The following ATF6 variants were observed in gnomAD, a reference collection of about 807,000 sequenced individuals.
ATF6 encodes the protein cyclic AMP-dependent transcription factor ATF-6 alpha.
ATF6 carries 53 observed loss-of-function variants against 83.6 expected under a neutral mutation model. That is an observed-to-expected ratio of 0.63 (90% CI 0.51 to 0.80). The LOEUF (loss-of-function observed/expected upper bound fraction) is 0.80, where lower values mean the gene tolerates loss of function less well. ATF6 is among the 30% of genes least tolerant of loss of function. The probability of loss-of-function intolerance (pLI) is 0.00; values close to 1 mark genes in which losing one functional copy is unlikely to be tolerated. For missense variants in ATF6, 744 were observed against 797.9 expected (o/e 0.93, Z 0.81); for synonymous variants, 288 against 285.8 (o/e 1.01, Z -0.08).
At chr1:161,808,577 T>C (rs572219426) in intron 7 of ATF6, among the ~76,000 whole-genome samples, 1 of 152,234 alleles carries the variant, frequency 6.6e-6, no homozygotes, top group Non-Finnish European at 1.5e-5. Flanking sequence ...TTTATTTATT[T>C]ATTTATTTTT....
At position 161,819,814 on chromosome 1, in the gene ATF6, CAGAGGTAAGTGTT is replaced by C; in HGVS notation, c.1094_1095+11del. ...AAGCGGCAGCTGGATGAAGTTGTGT[CAGAGGTAAGTGTT>C]AGTAATACGGCTGAGTCGAGATGGG... On this transcript the variant is annotated splice_donor_variant and splice_donor_5th_base_variant and coding_sequence_variant and intron_variant, in exon 8 of 16. Transcript: ENST00000367942. LOFTEE classifies it high-confidence loss of function. The C allele has an allele frequency of 6.2e-7, 1 of 1,607,866 alleles. No homozygotes were observed. Among genetic ancestry groups the C allele is most frequent in the East Asian group, 2.3e-5 (1 of 44,386 alleles).
chr1:161,884,172 G>A (rs996239880), intron 14 of ATF6, among the ~76,000 whole-genome samples: 1 of 151,968 alleles, frequency 6.6e-6, no homozygotes, highest in South Asian at 2.1e-4. Flanking sequence ...AAAAAGTCCA[G>A]ATTAAATTGT....
At chr1:161,861,626 C>G (rs1382044634) in intron 13 of ATF6, among the ~76,000 whole-genome samples, 3 of 152,034 alleles carry the variant, frequency 2.0e-5, no homozygotes, top group Admixed American at 2.0e-4. Context: ...TTTGTGGATT[C>G]CATATTTGCT....
chr1:161,881,815 G>A (rs1687331361), intron 14 of ATF6, among the ~76,000 whole-genome samples: 1 of 151,998 alleles, frequency 6.6e-6, no homozygotes, highest in South Asian at 2.1e-4. Flanking sequence ...TTATTTTATG[G>A]ACTGTGTTTT....
Position 161,930,904 on chromosome 1 carries a change from T to C in ATF6, c.1804+18524T>C, listed in dbSNP as rs542527301. Among the ~76,000 whole-genome samples the C allele has an allele frequency of 7.0e-3, 1,066 of 152,112 alleles. 5 individuals carry two copies. The highest frequency in any genetic ancestry group is 0.011 in the Non-Finnish European group (778 of 67,962). Reference sequence around the variant, plus strand: ...AGGTTCGTAGAATTTTTTTTTTTTTTCCCCTGGGGACATAGTTTCACTCTG... The same window carrying C: ...AGGTTCGTAGAATTTTTTTTTTTTTCCCCCTGGGGACATAGTTTCACTCTG... On this transcript the variant is annotated intron_variant, in intron 15 of 15. Transcript: ENST00000367942.
At chr1:161,826,889 T>G (rs1685913631) in intron 9 of ATF6, among the ~76,000 whole-genome samples, 1 of 152,064 alleles carries the variant, frequency 6.6e-6, no homozygotes, top group African/African-American at 2.4e-5. Flanking sequence ...ATTGAGATGT[T>G]TCATCATTTG....
intron 1 of ATF6, among the ~76,000 whole-genome samples, chr1:161,773,202 C>A (rs1684433777): frequency 1.3e-5 from 2 of 150,060 alleles, no homozygotes; most frequent in African/African-American, 4.9e-5. Flanking sequence ...GTGGCTCACT[C>A]GGCTCACTGC....
chr1:161,933,531 A>G (rs778319268), intron 15 of ATF6, among the ~76,000 whole-genome samples: 2 of 152,230 alleles, frequency 1.3e-5, no homozygotes, highest in Admixed American at 1.3e-4. Context: ...CAATGTAAAG[A>G]TGATTTTAAT....
At chr1:161,897,510 T>C (rs549073360) in intron 14 of ATF6, among the ~76,000 whole-genome samples, 1 of 152,296 alleles carries the variant, frequency 6.6e-6, no homozygotes, top group East Asian at 1.9e-4. Flanking sequence ...ACCAAAGAAC[T>C]GCTACATAGA....
intron 15 of ATF6, among the ~76,000 whole-genome samples, chr1:161,918,756 G>A (rs749585274): frequency 6.6e-6 from 1 of 152,172 alleles, no homozygotes; most frequent in Non-Finnish European, 1.5e-5. Context: ...TTGTGGAGGT[G>A]ATCCCTCTCT....
Position 161,772,342 on chromosome 1 carries a change from T to C in ATF6, c.82+5900T>C, listed in dbSNP as rs538973052. Reference sequence around the variant, plus strand: ...AAGAAAACACTTCAACTGTCCTGACTGGTCTCAATTTAAGTGTTGCCAGAC... The same window carrying C: ...AAGAAAACACTTCAACTGTCCTGACCGGTCTCAATTTAAGTGTTGCCAGAC... On this transcript the variant is annotated intron_variant, in intron 1 of 15. Coordinates refer to ENST00000367942, the MANE Select transcript of ATF6 (RefSeq NM_007348.4). Among the ~76,000 whole-genome samples the C allele has an allele frequency of 2.9e-3, 441 of 152,348 alleles. 3 individuals carry two copies. The highest frequency in any genetic ancestry group is 9.9e-3 in the African/African-American group (412 of 41,584).
intron 12 of ATF6, among the ~76,000 whole-genome samples, chr1:161,855,603 G>T (rs946246545): frequency 1.3e-5 from 2 of 152,114 alleles, no homozygotes; most frequent in Non-Finnish European, 2.9e-5. Context: ...ACAGAGTGAG[G>T]TACCAAGTTC....
chr1:161,906,782 A>G (rs1039749127), intron 14 of ATF6, among the ~76,000 whole-genome samples: 3 of 152,108 alleles, frequency 2.0e-5, no homozygotes, highest in African/African-American at 7.2e-5. Context: ...CAAGCTTTAT[A>G]TTTCCTTTTA....
intron 9 of ATF6, among the ~76,000 whole-genome samples, chr1:161,825,757 A>G (rs184879158): frequency 1.3e-5 from 2 of 152,250 alleles, no homozygotes; most frequent in East Asian, 3.9e-4. Flanking sequence ...GAGCTTCATT[A>G]GGTAGGTGTG....
intron 14 of ATF6, among the ~76,000 whole-genome samples, chr1:161,900,929 A>C (rs1193246648): frequency 6.6e-6 from 1 of 152,164 alleles, no homozygotes; most frequent in Non-Finnish European, 1.5e-5. Context: ...ATATGAGAAT[A>C]CTTTTTTGGG....
At chr1:161,851,902 A>G in intron 11 of ATF6, 67 bp downstream of exon 11, 1 of 1,141,040 alleles carries the variant, frequency 8.8e-7, no homozygotes, top group Non-Finnish European at 1.3e-6. Flanking sequence ...GAACCTAGAC[A>G]AGTAATTGGT....
intron 14 of ATF6, among the ~76,000 whole-genome samples, chr1:161,911,026 G>A (rs1203397593): frequency 1.3e-5 from 2 of 152,052 alleles, no homozygotes; most frequent in African/African-American, 4.8e-5. Flanking sequence ...TCACTTTTTA[G>A]ATTTTTTTCT....
chr1:161,801,247 G>A (rs1685136127), intron 6 of ATF6, among the ~76,000 whole-genome samples: 1 of 152,038 alleles, frequency 6.6e-6, no homozygotes, highest in South Asian at 2.1e-4. Context: ...TGGGGGAAGA[G>A]GGAAAGGGCT....
intron 7 of ATF6, among the ~76,000 whole-genome samples, chr1:161,805,430 G>A (rs1253716237): frequency 6.6e-6 from 1 of 152,118 alleles, no homozygotes; most frequent in Non-Finnish European, 1.5e-5. Flanking sequence ...TGAGGTTTTT[G>A]TGCTTATTTT....
Sources: gnomAD v4.1 joint callset for allele counts (sites outside exome capture counted in the v4.1 genomes callset) on GRCh38, gnomAD v4.1.1 for gene constraint, MANE v1.5 for transcripts, NCBI Gene and HGNC (gene_info 2026-07-23, HGNC 2026-07-21) for gene names.